ZCWPW2: variants seen among roughly 807,000 people sequenced by gnomAD.
ZCWPW2 encodes the protein zinc finger CW-type PWWP domain protein 2.
ZCWPW2 carries 45 observed loss-of-function variants against 46.6 expected under a neutral mutation model. The ratio of observed to expected loss-of-function variants is 0.96; its 90% CI spans 0.76 to 1.24. The LOEUF is 1.24. ZCWPW2 is among the 50% of genes most tolerant of loss of function. ZCWPW2 has a pLI of 0.00. For missense variants in ZCWPW2, 429 were observed against 403.9 expected (o/e 1.06, Z -0.53); for synonymous variants, 152 against 137.1 (o/e 1.11, Z -0.76).
At chr3:28,461,839 A>G (rs1183688336) in intron 4 of ZCWPW2, 1 of 152,316 alleles carries the variant, frequency 6.6e-6, no homozygotes, top group East Asian at 1.9e-4. Flanking sequence ...TTAGGGGAAA[A>G]CAATAGGCAG....
Position 28,413,349 on chromosome 3 carries a change from C to T in ZCWPW2, c.281C>T (p.Ser94Leu), listed in dbSNP as rs200684148. The change falls in exon 3 of 10, where the codon TCA becomes TTA. Residue 94 changes from serine (S) to leucine (L), a missense_variant. Coordinates refer to ENST00000383768, the MANE Select transcript of ZCWPW2 (RefSeq NM_001040432.4). ...CAGTGTGGATTTAAGATTGTCTATTCACAGCTCCCTCTTGGAAGCCTGGTT... is the reference window on the plus strand; with the variant it reads ...CAGTGTGGATTTAAGATTGTCTATTTACAGCTCCCTCTTGGAAGCCTGGTT... Reference protein sequence around the residue: ...LHQCGFKIVYSQLPLGSLVLV... With the variant: ...LHQCGFKIVYLQLPLGSLVLV... 2.5e-6 allele frequency: 4 copies of T among 1,612,418 alleles called. No individual in the cohort carries two copies. The African/African-American group carries it at 5.3e-5, about 22-fold the overall frequency.
intron 2 of ZCWPW2, among the ~76,000 whole-genome samples, chr3:28,394,910 T>C (rs2125721661): frequency 6.6e-6 from 1 of 152,214 alleles, no homozygotes; most frequent in Non-Finnish European, 1.5e-5. Context: ...AAAGTGGGAC[T>C]ACATCCAATT....
At chr3:28,513,633 G>A (rs549021154) in intron 6 of ZCWPW2, among the ~76,000 whole-genome samples, 1 of 152,104 alleles carries the variant, frequency 6.6e-6, no homozygotes, top group East Asian at 1.9e-4. Flanking sequence ...AAACTCCTTT[G>A]GCCCCTTATC....
intron 4 of ZCWPW2, among the ~76,000 whole-genome samples, chr3:28,443,758 A>G (rs552779969): frequency 1.8e-4 from 28 of 152,306 alleles, no homozygotes; most frequent in Admixed American, 3.9e-4. Context: ...GTTAGATCTG[A>G]CATACAGAGA....
intron 1 of ZCWPW2, among the ~76,000 whole-genome samples, chr3:28,357,151 A>T (rs929538840): frequency 9.2e-5 from 14 of 152,220 alleles, no homozygotes; most frequent in African/African-American, 3.4e-4. Flanking sequence ...TTTACATTAT[A>T]AAAACCAGGA....
At chr3:28,436,087 C>T (rs1023365609) in intron 4 of ZCWPW2, among the ~76,000 whole-genome samples, 7 of 152,074 alleles carry the variant, frequency 4.6e-5, no homozygotes, top group East Asian at 1.9e-4. Context: ...AAAGTAACTG[C>T]GATTTTGCTA....
At chr3:28,500,333 A>G (rs542183685) in intron 6 of ZCWPW2, among the ~76,000 whole-genome samples, 63 of 152,250 alleles carry the variant, frequency 4.1e-4, no homozygotes, top group African/African-American at 1.4e-3. Context: ...ATGTAGAAAC[A>G]TAGTTTGGTT....
chr3:28,363,076 G>C (rs1705002338), intron 1 of ZCWPW2, among the ~76,000 whole-genome samples: 1 of 132,322 alleles, frequency 7.6e-6, no homozygotes, highest in Non-Finnish European at 1.6e-5. Flanking sequence ...GGGTGGGAGG[G>C]AGAGGTTCAG....
chr3:28,372,908 A>G (rs1054449601), intron 1 of ZCWPW2, among the ~76,000 whole-genome samples: 3 of 152,152 alleles, frequency 2.0e-5, no homozygotes, highest in Admixed American at 1.3e-4. Context: ...TTTACTTAGG[A>G]TAATGGCCTC....
intron 4 of ZCWPW2, among the ~76,000 whole-genome samples, chr3:28,451,624 T>C (rs1467716741): frequency 6.6e-6 from 1 of 152,210 alleles, no homozygotes. Flanking sequence ...TCAAATTCCA[T>C]TTGCAGTGGT....
At chr3:28,465,736 C>T (rs556609264) in intron 4 of ZCWPW2, among the ~76,000 whole-genome samples, 39 of 151,250 alleles carry the variant, frequency 2.6e-4, no homozygotes, top group Admixed American at 6.6e-5. Flanking sequence ...CCTGTAAAAC[C>T]CAAGGAACTC....
At chr3:28,489,477 T>G (rs1444825865) in intron 5 of ZCWPW2, among the ~76,000 whole-genome samples, 1 of 152,066 alleles carries the variant, frequency 6.6e-6, no homozygotes, top group Non-Finnish European at 1.5e-5. Context: ...CACGCTGATA[T>G]TTTATTATTA....
chr3:28,393,901 T>G (rs192271260), intron 2 of ZCWPW2, among the ~76,000 whole-genome samples: 1 of 152,196 alleles, frequency 6.6e-6, no homozygotes, highest in East Asian at 1.9e-4. Flanking sequence ...TCTCACCACT[T>G]CTGTGCAACA....
chr3:28,498,230 CATATATACGTGTGT>C (rs1700048147), intron 6 of ZCWPW2, among the ~76,000 whole-genome samples: 2 of 131,272 alleles, frequency 1.5e-5, no homozygotes, highest in Admixed American at 8.7e-5. Context: ...TATTTATATA[CATATATACGTGTGT>C]GTGTGTGTGT....
At chr3:28,426,135 A>G (rs945455771) in intron 3 of ZCWPW2, among the ~76,000 whole-genome samples, 16 of 151,658 alleles carry the variant, frequency 1.1e-4, no homozygotes, top group Non-Finnish European at 2.2e-4. Context: ...TTATATATAT[A>G]TATGTATATA....
intron 4 of ZCWPW2, chr3:28,478,147 A>G (rs1444437673): frequency 1.3e-5 from 2 of 158,802 alleles, no homozygotes; most frequent in East Asian, 1.9e-4. Context: ...CAGTTTTTAG[A>G]TAAAGAAACT....
chr3:28,408,908 G>C (rs9310865), intron 2 of ZCWPW2, among the ~76,000 whole-genome samples: 38,654 of 151,918 alleles, frequency 0.25, 5,693 homozygotes, highest in East Asian at 0.56. Flanking sequence ...ACATCTGAAA[G>C]AAAGGAATAC....
intron 5 of ZCWPW2, among the ~76,000 whole-genome samples, chr3:28,491,222 C>T (rs1368851834): frequency 1.3e-5 from 2 of 152,006 alleles, no homozygotes; most frequent in Admixed American, 6.6e-5. Context: ...AAAGAGGGAT[C>T]ATCTTAAATA....
At chr3:28,487,235 A>G (rs967276417) in intron 5 of ZCWPW2, among the ~76,000 whole-genome samples, 2 of 151,878 alleles carry the variant, frequency 1.3e-5, no homozygotes, top group African/African-American at 4.8e-5. Context: ...TGCCTATTAC[A>G]TGTATGTCAC....
Sources: gnomAD v4.1 joint callset for allele counts (sites outside exome capture counted in the v4.1 genomes callset) on GRCh38, gnomAD v4.1.1 for gene constraint, MANE v1.5 for transcripts, NCBI Gene and HGNC (gene_info 2026-07-23, HGNC 2026-07-21) for gene names.